CLASP2: variants seen among roughly 807,000 people sequenced by gnomAD.
CLASP2 encodes the protein CLIP-associating protein 2.
CLASP2 carries 47 observed loss-of-function variants against 194.4 expected under a neutral mutation model. The ratio of observed to expected loss-of-function variants is 0.24; its 90% CI spans 0.19 to 0.31. CLASP2 has a LOEUF of 0.31. Among genes scored for constraint, CLASP2 ranks in the 10% least tolerant of loss-of-function variants. The pLI is 1.00. For missense variants in CLASP2, 1,445 were observed against 1,823.6 expected (o/e 0.79, Z 3.78); for synonymous variants, 619 against 633.5 (o/e 0.98, Z 0.34).
At chr3:33,617,951 A>ATAT (rs1290357001) in intron 12 of CLASP2, among the ~76,000 whole-genome samples, 6 of 116,524 alleles carry the variant, frequency 5.1e-5, no homozygotes, top group South Asian at 2.6e-4. Context: ...ATATATATAT[A>ATAT]TTTTTTTTTT....
chr3:33,684,260 A>G, intron 6 of CLASP2, 99 bp downstream of exon 6: 1 of 632,004 alleles, frequency 1.6e-6, no homozygotes, highest in South Asian at 2.6e-5. Context: ...AAATAAATAA[A>G]TAAATAAATA....
intron 33 of CLASP2, among the ~76,000 whole-genome samples, chr3:33,538,139 T>G (rs2057721478): frequency 1.0e-5 from 1 of 99,830 alleles, no homozygotes; most frequent in African/African-American, 5.3e-5. Context: ...AGACTCCGTC[T>G]CAAAAAAAAA....
intron 13 of CLASP2, 54 bp downstream of exon 13, chr3:33,611,943 TAAAC>T (rs2075261601): frequency 6.2e-6 from 7 of 1,134,702 alleles, no homozygotes; most frequent in East Asian, 2.4e-5. Flanking sequence ...GACAAATAAT[TAAAC>T]AATGCAGTAT....
At chr3:33,572,344 T>G (rs1429267788) in intron 25 of CLASP2, among the ~76,000 whole-genome samples, 1 of 152,120 alleles carries the variant, frequency 6.6e-6, no homozygotes, top group East Asian at 1.9e-4. Context: ...GAAAATATAT[T>G]TAGGTGATAC....
chr3:33,680,096 A>G (rs949564796), intron 6 of CLASP2, among the ~76,000 whole-genome samples: 3 of 152,234 alleles, frequency 2.0e-5, no homozygotes, highest in Non-Finnish European at 4.4e-5. Context: ...AACCTAAAAT[A>G]TGTATTATGA....
chr3:33,655,044 A>G (rs1287613240), intron 7 of CLASP2, among the ~76,000 whole-genome samples: 2 of 152,204 alleles, frequency 1.3e-5, no homozygotes, highest in African/African-American at 4.8e-5. Flanking sequence ...AACACATGCC[A>G]TAATAGCCAT....
At chr3:33,596,567 A>T (rs767269968) in intron 19 of CLASP2, 144 bp downstream of exon 19, 12 of 718,446 alleles carry the variant, frequency 1.7e-5, no homozygotes, top group African/African-American at 3.6e-5. Flanking sequence ...TCAGAGAATT[A>T]TGTAGCCATT....
intron 29 of CLASP2, among the ~76,000 whole-genome samples, chr3:33,554,085 G>A (rs1029184798): frequency 3.3e-5 from 5 of 152,054 alleles, no homozygotes; most frequent in East Asian, 3.9e-4. Flanking sequence ...AAAATTAGCC[G>A]GGCGTGGTGG....
intron 9 of CLASP2, 151 bp downstream of exon 9, chr3:33,632,141 C>A: frequency 2.1e-6 from 1 of 485,796 alleles, no homozygotes; most frequent in Non-Finnish European, 3.6e-6. Context: ...TCTAATTGTA[C>A]CAACAAATAA....
At chr3:33,522,057 T>C (rs1436831760) in intron 34 of CLASP2, among the ~76,000 whole-genome samples, 2 of 152,044 alleles carry the variant, frequency 1.3e-5, no homozygotes, top group African/African-American at 4.8e-5. Flanking sequence ...TTCCAAGTCC[T>C]AGTCACAGCT....
chr3:33,509,310 G>C (rs769501511), intron 37 of CLASP2, among the ~76,000 whole-genome samples: 10 of 152,072 alleles, frequency 6.6e-5, no homozygotes, highest in African/African-American at 1.9e-4. Flanking sequence ...TCCACCTCTC[G>C]GGTTCAAGCA....
At chr3:33,582,908 TAGGA>T (rs777830007) in intron 22 of CLASP2, among the ~76,000 whole-genome samples, 48 of 152,158 alleles carry the variant, frequency 3.2e-4, no homozygotes, top group Non-Finnish European at 6.8e-4. Context: ...TGAAAAGCGC[TAGGA>T]ACAGTAATTC....
chr3:33,669,468 C>T (rs912990307), intron 6 of CLASP2, among the ~76,000 whole-genome samples: 4 of 151,264 alleles, frequency 2.6e-5, no homozygotes, highest in Non-Finnish European at 4.4e-5. Flanking sequence ...CAAGAAAGTA[C>T]AAAAGCAAGT....
At chr3:33,626,715 T>C (rs963579638) in intron 10 of CLASP2, among the ~76,000 whole-genome samples, 2 of 152,140 alleles carry the variant, frequency 1.3e-5, no homozygotes, top group African/African-American at 4.8e-5. Flanking sequence ...GCCCTCTGAA[T>C]CTCACATTTT....
At chr3:33,636,003 A>G (rs771242576) in intron 8 of CLASP2, among the ~76,000 whole-genome samples, 26 of 152,356 alleles carry the variant, frequency 1.7e-4, no homozygotes, top group Non-Finnish European at 3.4e-4. Context: ...AACTGTGTAG[A>G]AAAGAATCCT....
chr3:33,708,504 A>G lies in CLASP2; in HGVS notation c.195+9304T>C, dbSNP rs199716190. 3.7e-3 allele frequency among the ~76,000 whole-genome samples: 218 copies of G among 59,242 alleles called. 2 individuals are homozygous for G. The highest frequency in any genetic ancestry group is 4.6e-3 in the Non-Finnish European group (144 of 31,158). 38.9% of individuals were successfully genotyped at this position (59,242 alleles called of 152,430 possible). On this transcript the variant is annotated intron_variant, in intron 1 of 38. Transcript: ENST00000682230. ...TGTGTGTGTATGTATATATATATAT[A>G]TGTATATATATGTATATATGTATAT...
At chr3:33,616,734 C>CTTT (rs958911625) in intron 12 of CLASP2, among the ~76,000 whole-genome samples, 36 of 95,348 alleles carry the variant, frequency 3.8e-4, no homozygotes, top group African/African-American at 6.8e-4. Flanking sequence ...ACTATACTTC[C>CTTT]TTTTTTTTTT....
intron 5 of CLASP2, 47 bp downstream of exon 5, chr3:33,687,013 T>C (rs746690439): frequency 2.0e-5 from 22 of 1,098,052 alleles, no homozygotes; most frequent in Non-Finnish European, 2.9e-5. Flanking sequence ...AGAAAAGAAA[T>C]GGTAGCCAAA....
At position 33,576,176 on chromosome 3, in the gene CLASP2, T is replaced by A. The variant is rs753881504; in HGVS notation, c.2447A>T (p.Asp816Val). 3.1e-6 allele frequency: 5 copies of A among 1,612,974 alleles called. No individual in the cohort carries two copies. Residue 816 changes from aspartate (D) to valine (V), a missense_variant, in exon 24 of 39, where the codon GAT (aspartate) becomes GTT (valine). Physicochemically the swap from Asp to Val is radical, Grantham distance 152. Coordinates refer to ENST00000682230, the MANE Select transcript of CLASP2 (RefSeq NM_001365631.1). ...TGSDVEEAVA[D>V]ALKKPARRRY... ...GAAAATGGAGAAGAGTACCAAGGCA[T>A]CTGCCACCGCCTCCTCCACATCAGA...
Sources: gnomAD v4.1 joint callset for allele counts (sites outside exome capture counted in the v4.1 genomes callset) on GRCh38, gnomAD v4.1.1 for gene constraint, MANE v1.5 for transcripts, NCBI Gene and HGNC (gene_info 2026-07-23, HGNC 2026-07-21) for gene names.